CPVL: variants seen among roughly 807,000 people sequenced by gnomAD.
CPVL encodes carboxypeptidase vitellogenic like, also known as probable serine carboxypeptidase CPVL.
A neutral mutation model predicts 63.7 loss-of-function variants in CPVL; 51 were observed. The observed-to-expected ratio is 0.80, with a 90% CI of 0.64 to 1.01. CPVL has a LOEUF of 1.01. Ranked by LOEUF, CPVL falls within the 50% of genes least tolerant of loss-of-function variation. CPVL has a pLI of 0.00. For missense variants in CPVL, 530 were observed against 573.1 expected (o/e 0.92, Z 0.77); for synonymous variants, 195 against 206.0 (o/e 0.95, Z 0.46).
At chr7:29,032,029 A>T (rs958391017) in intron 11 of CPVL, among the ~76,000 whole-genome samples, 1 of 152,158 alleles carries the variant, frequency 6.6e-6, no homozygotes, top group Admixed American at 6.5e-5. Flanking sequence ...TGCAACTAAC[A>T]TATTAATTAT....
intron 1 of CPVL, among the ~76,000 whole-genome samples, chr7:29,186,852 A>T (rs1178733762): frequency 3.3e-5 from 5 of 152,124 alleles, no homozygotes; most frequent in African/African-American, 1.2e-4. Flanking sequence ...AACCTTGATA[A>T]ATTACTTACC....
chr7:29,189,994 C>T (rs1490686255), intron 1 of CPVL, among the ~76,000 whole-genome samples: 1 of 152,216 alleles, frequency 6.6e-6, no homozygotes, highest in Non-Finnish European at 1.5e-5. Flanking sequence ...TGTTCAGAGG[C>T]AGGGCCGCTA....
intron 5 of CPVL, among the ~76,000 whole-genome samples, chr7:29,093,891 T>G (rs956768520): frequency 2.0e-5 from 3 of 152,312 alleles, no homozygotes; most frequent in South Asian, 2.1e-4. Flanking sequence ...TGAGAGAAGT[T>G]AAAGATTTTA....
At chr7:29,110,574 T>A (rs1788139747) in intron 3 of CPVL, among the ~76,000 whole-genome samples, 1 of 152,228 alleles carries the variant, frequency 6.6e-6, no homozygotes, top group African/African-American at 2.4e-5. Flanking sequence ...AGAATTCTTG[T>A]ATGCAATAAC....
chr7:29,186,523 T>TGCTGTAGCA (rs1798737981), exon 2 of CPVL: 1 of 150,918 alleles, frequency 6.6e-6, no homozygotes, highest in South Asian at 2.1e-4. Context: ...AGCAGTGAGC[T>TGCTGTAGCA]GTGATCGTGT....
intron 5 of CPVL, among the ~76,000 whole-genome samples, chr7:29,156,463 A>C (rs1794386541): frequency 6.6e-6 from 1 of 152,200 alleles, no homozygotes; most frequent in East Asian, 1.9e-4. Flanking sequence ...CTGAGGAAAA[A>C]AAAGTTAAAT....
At chr7:29,147,272 G>A (rs1214970713), upstream of CPVL, 1 of 322,458 alleles carries the variant, frequency 3.1e-6, no homozygotes, top group Non-Finnish European at 5.8e-6. Flanking sequence ...AGCAACAGCA[G>A]CGTCAACTGC....
At chr7:29,062,963 C>T (rs993108979) in intron 11 of CPVL, among the ~76,000 whole-genome samples, 1 of 152,140 alleles carries the variant, frequency 6.6e-6, no homozygotes, top group African/African-American at 2.4e-5. Flanking sequence ...AGGCATCCTT[C>T]GGAGTTGCCC....
intron 1 of CPVL, chr7:29,192,985 G>C (rs1783089491): frequency 6.6e-6 from 1 of 152,252 alleles, no homozygotes; most frequent in African/African-American, 2.4e-5. Context: ...CCAAGTGTGT[G>C]ATGGGTCACG....
rs117516104 is a variant in CPVL at position 29,054,097 on chromosome 7, A to G, written c.1137+9964T>C. On this transcript the variant is annotated intron_variant, in intron 11 of 12. Transcript: ENST00000265394. ...AAAACAAAACAAAACAAAACAAACA[A>G]AATCTGTTAAATAAATAGTATACCC... 8.5e-3 allele frequency among the ~76,000 whole-genome samples: 1,291 copies of G among 152,122 alleles called. 6 individuals are homozygous for G. The highest frequency in any genetic ancestry group is 0.011 in the Admixed American group (172 of 15,270).
At chr7:29,032,808 G>T (rs1383619661) in intron 11 of CPVL, among the ~76,000 whole-genome samples, 1 of 152,158 alleles carries the variant, frequency 6.6e-6, no homozygotes, top group African/African-American at 2.4e-5. Flanking sequence ...ACTATATTTT[G>T]AAATCAATGT....
In CPVL at chr7:29,096,159, G is replaced by C. The variant is rs761025460; in HGVS notation, c.347C>G (p.Ser116Cys). 2 of 1,614,214 alleles carry C rather than the reference G, an allele frequency of 1.2e-6. No individual in the cohort carries two copies. The highest frequency in any genetic ancestry group is 2.2e-5 in the South Asian group (2 of 91,080). ...LWLQGGPGGS[S>C]MFGLFVEHGP... ...ATGTTCCACAAAGAGTCCAAACATG[G>C]ATGAACCTCCCGGCCCACCCTGTAG... is the stretch of plus-strand genomic sequence containing the variant. Residue 116 changes from serine to cysteine, a missense_variant, in exon 4 of 13, where the codon TCC (serine) becomes TGC (cysteine). By Grantham distance (112) the Ser-to-Cys change is moderately radical. Transcript: ENST00000265394.
intron 1 of CPVL, chr7:29,194,753 C>A (rs1164342636): frequency 1.3e-5 from 6 of 453,268 alleles, no homozygotes; most frequent in African/African-American, 2.1e-5. Context: ...AAATAAATAG[C>A]GGCGGCGGCA....
At chr7:29,015,655 C>T (rs956834885) in intron 12 of CPVL, among the ~76,000 whole-genome samples, 1 of 152,104 alleles carries the variant, frequency 6.6e-6, no homozygotes, top group Non-Finnish European at 1.5e-5. Context: ...TAGAAATTAC[C>T]CTGTCTCAGG....
At position 29,064,048 on chromosome 7, in the gene CPVL, G is replaced by A. The variant is rs751306601; in HGVS notation, c.1137+13C>T. 6.3e-7 allele frequency: 1 copy of A among 1,581,140 alleles called. No homozygotes were observed. Among genetic ancestry groups the A allele is most frequent in the Admixed American group, 1.7e-5 (1 of 59,192 alleles). On this transcript the variant is annotated intron_variant, in intron 11 of 12. Transcript: ENST00000265394. ...GAAAGTTCCTAAAATAGTAACTGAAGTAGCTCTCTTACCTTATAATTATTC... is the reference window on the plus strand; with the variant it reads ...GAAAGTTCCTAAAATAGTAACTGAAATAGCTCTCTTACCTTATAATTATTC...
intron 5 of CPVL, among the ~76,000 whole-genome samples, chr7:29,164,225 G>A (rs912034561): frequency 1.3e-5 from 2 of 152,104 alleles, no homozygotes; most frequent in African/African-American, 4.8e-5. Flanking sequence ...ATTTAAACTT[G>A]AATTTTCCTA....
chr7:29,121,422 T>G (rs1415934683), intron 1 of CPVL, among the ~76,000 whole-genome samples: 1 of 152,084 alleles, frequency 6.6e-6, no homozygotes, highest in Non-Finnish European at 1.5e-5. Context: ...CACCTCAGCC[T>G]CCCAAAGTGC....
chr7:29,099,656 G>A (rs560436668), intron 3 of CPVL, among the ~76,000 whole-genome samples: 41 of 152,316 alleles, frequency 2.7e-4, no homozygotes, highest in African/African-American at 9.4e-4. Flanking sequence ...AGGTTGCAGT[G>A]AGCCGAGATC....
At chr7:29,147,241 T>A, upstream of CPVL, 1 of 401,734 alleles carries the variant, frequency 2.5e-6, no homozygotes, top group Non-Finnish European at 4.5e-6. Flanking sequence ...TAACACAAAA[T>A]AAAGGAGGGT....
Sources: allele counts gnomAD v4.1 joint callset (sites outside exome capture counted in the v4.1 genomes callset), GRCh38; gene constraint gnomAD v4.1.1; transcripts MANE v1.5; gene names NCBI Gene and HGNC (gene_info 2026-07-23, HGNC 2026-07-21).